Variants in FAM25A observed in about 807,000 individuals in gnomAD.
FAM25A encodes the protein family with sequence similarity 25 member A, also known as protein FAM25A.
Under a neutral mutation model 6.6 loss-of-function variants are expected in FAM25A, and 5 were observed. That is an observed-to-expected ratio of 0.75 (90% CI 0.39 to 1.59). The LOEUF (loss-of-function observed/expected upper bound fraction) is 1.59. Among genes scored for constraint, FAM25A ranks in the 40% most tolerant of loss-of-function variants. The pLI is 0.02. For synonymous variants in FAM25A, 36 were observed against 41.3 expected, an observed-to-expected ratio of 0.87 and a Z score of 0.49; for missense variants, 93 against 109.7, an observed-to-expected ratio of 0.85 and a Z score of 0.68.
chr10:87,020,707 G>A (rs569644784), intron 1 of FAM25A, among the ~76,000 whole-genome samples: 2 of 152,222 alleles, frequency 1.3e-5, no homozygotes, highest in Admixed American at 1.3e-4. Context: ...AAAGGAAGAT[G>A]GATTTTTATT....
intron 1 of FAM25A, among the ~76,000 whole-genome samples, chr10:87,021,542 G>A (rs1337458545): frequency 1.2e-4 from 18 of 152,162 alleles, no homozygotes; most frequent in Non-Finnish European, 2.1e-4. Flanking sequence ...CCAGAACTCC[G>A]GGCCTTCGCA....
intron 1 of FAM25A, among the ~76,000 whole-genome samples, chr10:87,021,186 G>A (rs1845326312): frequency 6.6e-6 from 1 of 152,180 alleles, no homozygotes; most frequent in Non-Finnish European, 1.5e-5. Context: ...CCAGCCAGGA[G>A]CCACTCATGG....
intron 1 of FAM25A, among the ~76,000 whole-genome samples, chr10:87,022,027 G>T (rs1589338125): frequency 6.6e-6 from 1 of 152,326 alleles, no homozygotes; most frequent in East Asian, 1.9e-4. Flanking sequence ...TGCCCTCATG[G>T]GGCTCACTGA....
Position 87,024,646 on chromosome 10 carries a change from C to T in FAM25A, c.242C>T (p.Ala81Val), listed in dbSNP as rs1344382129. 28 of 1,535,688 alleles carry T rather than the reference C, an allele frequency of 1.8e-5. No homozygotes were observed. The highest frequency in any genetic ancestry group is 2.0e-5 in the Non-Finnish European group (23 of 1,146,908). The change falls in exon 3 of 3, where the codon GCA becomes GTA. Residue 81 changes from alanine to valine, a missense_variant. By Grantham distance (64) the Ala-to-Val change is moderately conservative (BLOSUM62 0). Coordinates refer to ENST00000343959, the MANE Select transcript of FAM25A (RefSeq NM_001146157.3). Reference protein sequence around the residue: ...NTVTNAITHAAESLDKLGQ With the variant: ...NTVTNAITHAVESLDKLGQ ...GTCACAAATGCCATCACCCATGCAG[C>T]AGAGAGTCTGGACAAACTTGGACAG...
In FAM25A at chr10:87,020,313, T is replaced by G. The variant is rs771948323; in HGVS notation, c.-12T>G. 6.5e-7 allele frequency: 1 copy of G among 1,549,544 alleles called. No individual in the cohort carries two copies. The highest frequency in any genetic ancestry group is 8.7e-7 in the Non-Finnish European group (1 of 1,146,838). ...CTCAGCATCCTAGTTCACCACTGTC[T>G]GCTGCCACACGATGCTGGGAGGCCT... On this transcript the variant is annotated 5_prime_UTR_variant, in exon 1 of 3. Transcript: ENST00000343959.
intron 1 of FAM25A, 133 bp downstream of exon 1, chr10:87,020,530 C>T (rs1375704405): frequency 2.5e-6 from 3 of 1,212,914 alleles, no homozygotes; most frequent in Admixed American, 5.2e-5. Context: ...TGGTCCCCTG[C>T]TCTACCAAGT....
At chr10:87,020,441 G>A in intron 1 of FAM25A, 44 bp downstream of exon 1, 1 of 1,546,128 alleles carries the variant, frequency 6.5e-7, no homozygotes, top group Non-Finnish European at 8.7e-7. Flanking sequence ...GGGGGATCTG[G>A]GGCAGACTGG....
chr10:87,022,223 G>A, intron 1 of FAM25A, 91 bp from the exon 2 acceptor site: 2 of 1,469,080 alleles, frequency 1.4e-6, no homozygotes, highest in African/African-American at 1.4e-5. Context: ...GGACTGGGAG[G>A]GCAGTGGGCC....
Position 87,022,339 on chromosome 10 carries a change from G to A in FAM25A, c.99G>A (p.Lys33=). 1 of 1,548,916 alleles carries A rather than the reference G, an allele frequency of 6.5e-7. No individual in the cohort carries two copies. Among genetic ancestry groups the A allele is most frequent in the Non-Finnish European group, 8.7e-7 (1 of 1,146,680 alleles). The stretch of plus-strand genomic sequence containing the variant: ...TTCATGCCGTGGAAGAAGTGGTGAA[G>A]GAGGTGGTGGGACACGCCAAGGAGA... The part of the protein sequence containing the change: ...GAIHAVEEVV[K]EVVGHAKETG... Residue 33 remains lysine, a synonymous_variant, in exon 2 of 3, where the codon AAG becomes AAA. Transcript: ENST00000343959.
chr10:87,022,937 AAAG>A (rs1377504956), intron 2 of FAM25A, among the ~76,000 whole-genome samples: 13 of 144,568 alleles, frequency 9.0e-5, no homozygotes, highest in Non-Finnish European at 1.5e-4. Flanking sequence ...AAAAAAAAAA[AAAG>A]AAAAAAAAAA....
At position 87,024,503 on chromosome 10, in the gene FAM25A, T is replaced by C. The variant is rs1328879974; in HGVS notation, c.137-38T>C. On this transcript the variant is annotated intron_variant, in intron 2 of 2. Coordinates refer to ENST00000343959, the MANE Select transcript of FAM25A (RefSeq NM_001146157.3). ...CTCAAGGGGACACAAGTTCAGCGGG[T>C]GGATCACTAGGACATTCTTCCTCTT... is the stretch of plus-strand genomic sequence containing the variant. 6 of 1,535,766 alleles carry C rather than the reference T, an allele frequency of 3.9e-6. No individual in the cohort carries two copies. In the South Asian group the frequency reaches 7.1e-5, roughly 18 times the overall value.
intron 2 of FAM25A, among the ~76,000 whole-genome samples, chr10:87,023,183 T>C (rs1463641479): frequency 6.6e-6 from 1 of 151,170 alleles, no homozygotes; most frequent in Non-Finnish European, 1.5e-5. Flanking sequence ...ATCGTGCCAC[T>C]GCACTCCAGC....
At chr10:87,023,550 G>A (rs2004687) in intron 2 of FAM25A, among the ~76,000 whole-genome samples, 68,301 of 151,818 alleles carry the variant, frequency 0.45, 15,597 homozygotes, top group East Asian at 0.72. Flanking sequence ...GTGAAACCCC[G>A]TTGCTACTAA....
At chr10:87,020,487 A>T in intron 1 of FAM25A, 90 bp downstream of exon 1, 2 of 1,486,220 alleles carry the variant, frequency 1.3e-6, no homozygotes, top group Non-Finnish European at 1.8e-6. Flanking sequence ...GCAGGTGAGG[A>T]CCTGGGAGGA....
chr10:87,022,432 G>T (rs1845338116), intron 2 of FAM25A, 56 bp downstream of exon 2: 2 of 1,535,874 alleles, frequency 1.3e-6, no homozygotes, highest in African/African-American at 1.4e-5. Flanking sequence ...GAAGCTAGGT[G>T]CTGGGCCAAC....
At chr10:87,020,952 T>C (rs1450791576) in intron 1 of FAM25A, among the ~76,000 whole-genome samples, 2 of 152,154 alleles carry the variant, frequency 1.3e-5, no homozygotes, top group South Asian at 2.1e-4. Context: ...CTTAGCCTCC[T>C]GAGTGTCTGG....
At chr10:87,024,428 C>T (rs982354526) in intron 2 of FAM25A, 113 bp from the exon 3 acceptor site, 19 of 1,489,614 alleles carry the variant, frequency 1.3e-5, no homozygotes, top group East Asian at 7.4e-5. Flanking sequence ...TTGGTCCCAT[C>T]GGGCCACTCC....
In FAM25A at chr10:87,021,055, T is replaced by C. The variant is rs1845325441; in HGVS notation, c.73+658T>C. Among the ~76,000 whole-genome samples, 5 of 152,206 alleles carry C rather than the reference T, an allele frequency of 3.3e-5. No individual in the cohort carries two copies. In the South Asian group the frequency reaches 1.0e-3, roughly 32 times the overall value. On this transcript the variant is annotated intron_variant, in intron 1 of 2. Coordinates refer to ENST00000343959, the MANE Select transcript of FAM25A (RefSeq NM_001146157.3). ...GTTGGCCAGGCTGGTCTCAAACTCC[T>C]GACCTCAAGTGATCCATTCCTCTTG...
chr10:87,020,807 C>T (rs929578685), intron 1 of FAM25A, among the ~76,000 whole-genome samples: 1 of 152,174 alleles, frequency 6.6e-6, no homozygotes, highest in African/African-American at 2.4e-5. Flanking sequence ...TCATCCAAGT[C>T]CCCTGAAGCA....
Sources: allele counts gnomAD v4.1 joint callset (sites outside exome capture counted in the v4.1 genomes callset), GRCh38; gene constraint gnomAD v4.1.1; transcripts MANE v1.5; gene names NCBI Gene and HGNC (gene_info 2026-07-23, HGNC 2026-07-21).